FGF13: variants seen among roughly 807,000 people sequenced by gnomAD.
FGF13 encodes the protein fibroblast growth factor 13.
A neutral mutation model predicts 19.5 loss-of-function variants in FGF13; 2 were observed. The ratio of observed to expected loss-of-function variants is 0.10; its 90% CI spans 0.04 to 0.32. The LOEUF (loss-of-function observed/expected upper bound fraction) is 0.32. Among genes scored for constraint, FGF13 ranks in the 10% least tolerant of loss-of-function variants. The probability of loss-of-function intolerance (pLI) is 1.00; values close to 1 mark genes in which losing one functional copy is unlikely to be tolerated. For synonymous variants in FGF13, 72 were observed against 76.9 expected, an observed-to-expected ratio of 0.94 and a Z score of 0.33; for missense variants, 113 against 192.7, an observed-to-expected ratio of 0.59 and a Z score of 2.45.
Position 139,104,706 on chromosome X carries a change from T to C in FGF13, c.-113+98710A>G, listed in dbSNP as rs189642874. On this transcript the variant is annotated intron_variant, in intron 1 of 2. Transcript: ENST00000421460. ...ATTCTGGTGAGGGCCCTCTTTTAGG[T>C]TGAAAACAAACAACTACCCCTTGTA... 4.5e-3 allele frequency among the ~76,000 whole-genome samples: 502 copies of C among 110,546 alleles called. 4 individuals are homozygous for C. Among genetic ancestry groups the C allele is most frequent in the African/African-American group, 0.014 (434 of 30,263 alleles).
At chrX:139,040,639 G>A (rs1220817005) in intron 1 of FGF13, among the ~76,000 whole-genome samples, 1 of 111,502 alleles carries the variant, frequency 9.0e-6, no homozygotes. Flanking sequence ...GGAAGACAGT[G>A]TGGCAATTCC....
chrX:139,139,177 C>G lies in FGF13; in HGVS notation c.-113+64239G>C, dbSNP rs778553030. Among the ~76,000 whole-genome samples, 22 of 111,186 alleles carry G rather than the reference C, an allele frequency of 2.0e-4. 1 individual carries two copies. Among genetic ancestry groups the G allele is most frequent in the African/African-American group, 5.9e-4 (18 of 30,596 alleles). ...CGAACTCCTGACCTCAAACGATCTG[C>G]CTGCCTCAGTCTCCCAAAGTGCTGG... On this transcript the variant is annotated intron_variant, in intron 1 of 2. Coordinates refer to the FGF13 transcript ENST00000421460.
intron 1 of FGF13, among the ~76,000 whole-genome samples, chrX:138,887,326 G>A (rs751500165): frequency 1.8e-5 from 2 of 111,736 alleles, no homozygotes; most frequent in Non-Finnish European, 3.8e-5. Context: ...TTCTGTTTTT[G>A]TTTCAATTTT....
chrX:139,043,260 G>A (rs2092276214), intron 1 of FGF13, among the ~76,000 whole-genome samples: 1 of 110,698 alleles, frequency 9.0e-6, no homozygotes, highest in Non-Finnish European at 1.9e-5. Context: ...CATGCAGGCT[G>A]GAGTGCAGTG....
intron 1 of FGF13, among the ~76,000 whole-genome samples, chrX:139,169,250 C>T (rs1000357161): frequency 5.4e-5 from 6 of 112,100 alleles, no homozygotes; most frequent in Non-Finnish European, 1.1e-4. Context: ...CCTCTTCATG[C>T]TATCTTCCCA....
chrX:139,120,580 C>T (rs1353588958), intron 1 of FGF13, among the ~76,000 whole-genome samples: 1 of 112,161 alleles, frequency 8.9e-6, no homozygotes, highest in East Asian at 2.8e-4. Context: ...CAGTGATAAG[C>T]TGTCTGGGGC....
At chrX:138,678,065 A>G (rs1173659703) in intron 3 of FGF13, among the ~76,000 whole-genome samples, 1 of 111,731 alleles carries the variant, frequency 9.0e-6, no homozygotes, top group Admixed American at 9.5e-5. Flanking sequence ...CATTCTCAGT[A>G]AACTATCGCA....
intron 1 of FGF13, among the ~76,000 whole-genome samples, chrX:139,018,959 G>T: frequency 9.0e-6 from 1 of 111,134 alleles, no homozygotes; most frequent in Middle Eastern, 4.6e-3. Context: ...CCCTTTAGCA[G>T]TCAATGCTCC....
intron 1 of FGF13, chrX:139,203,407 G>T (rs947807660): frequency 9.2e-6 from 1 of 108,465 alleles, no homozygotes; most frequent in African/African-American, 3.4e-5. Flanking sequence ...GGGCACCAGG[G>T]TTGCTCACCT....
At chrX:138,744,328 G>C (rs1333610699), upstream of FGF13, among the ~76,000 whole-genome samples, 1 of 111,485 alleles carries the variant, frequency 9.0e-6, no homozygotes, top group Non-Finnish European at 1.9e-5. Flanking sequence ...TGTATGGAAG[G>C]CATAGGTAAA....
rs749216320 is a variant in FGF13, at chrX:138,698,377, GATAAA to G, written c.402+4602_402+4606del. On this transcript the variant is annotated intron_variant, in intron 3 of 4. Coordinates refer to ENST00000315930, the MANE Select transcript of FGF13 (RefSeq NM_004114.5). ...AAAGAAGGTAGAATAAAGAAAAAGA[GATAAA>G]ATAAGAACGCTCTTCCAGGGATCAG... Among the ~76,000 whole-genome samples the G allele has an allele frequency of 1.8e-4, 20 of 110,974 alleles. No homozygotes were observed. The East Asian group carries it at 5.7e-3, about 32-fold the overall frequency.
chrX:138,751,603 T>TA, intron 3 of FGF13, among the ~76,000 whole-genome samples: 1 of 111,952 alleles, frequency 8.9e-6, no homozygotes, highest in East Asian at 2.8e-4. Flanking sequence ...AGAGGGTAAA[T>TA]ACCTCCTCCT....
chrX:138,792,202 A>G (rs1202088789), intron 3 of FGF13, among the ~76,000 whole-genome samples: 1 of 112,414 alleles, frequency 8.9e-6, no homozygotes, highest in Non-Finnish European at 1.9e-5. Flanking sequence ...TGTAGCTGAC[A>G]TCAACAACAA....
chrX:138,929,934 G>A (rs2091693721), intron 1 of FGF13, among the ~76,000 whole-genome samples: 2 of 109,488 alleles, frequency 1.8e-5, no homozygotes, highest in Non-Finnish European at 3.8e-5. Flanking sequence ...AATCTTGGAA[G>A]GAAGGGGCCA....
chrX:138,985,095 T>C (rs58864673), intron 1 of FGF13: 7,233 of 363,753 alleles, frequency 0.02, 497 homozygotes, highest in Admixed American at 0.16. Context: ...GACACCTCTG[T>C]GAAGTAAGGA....
At chrX:138,810,911 G>C (rs1341423460) in intron 3 of FGF13, among the ~76,000 whole-genome samples, 8 of 111,708 alleles carry the variant, frequency 7.2e-5, no homozygotes, top group East Asian at 2.8e-4. Context: ...TCTCACACCA[G>C]TTAGAATGGC....
chrX:139,072,275 C>T (rs150720861), intron 1 of FGF13, among the ~76,000 whole-genome samples: 1 of 96,079 alleles, frequency 1.0e-5, no homozygotes, highest in African/African-American at 4.1e-5. Flanking sequence ...CTCTCTCTCT[C>T]TACACACACA....
intron 1 of FGF13, among the ~76,000 whole-genome samples, chrX:139,022,316 T>C (rs1029206520): frequency 1.8e-5 from 2 of 112,149 alleles, no homozygotes; most frequent in African/African-American, 6.5e-5. Flanking sequence ...ATAGCAGCAT[T>C]GGGGTACTCA....
intron 3 of FGF13, among the ~76,000 whole-genome samples, chrX:138,848,118 G>A (rs2091196295): frequency 8.9e-6 from 1 of 112,123 alleles, no homozygotes. Context: ...GTCACAAGGT[G>A]GCAGATTACC....
Sources: allele counts gnomAD v4.1 joint callset (sites outside exome capture counted in the v4.1 genomes callset), GRCh38; gene constraint gnomAD v4.1.1; transcripts MANE v1.5; gene names NCBI Gene and HGNC (gene_info 2026-07-23, HGNC 2026-07-21).